The following TCEANC variants were observed in gnomAD, a reference collection of about 807,000 sequenced individuals.
TCEANC encodes transcription elongation factor A N-terminal and central domain containing.
TCEANC carries 8 observed loss-of-function variants against 8.7 expected under a neutral mutation model. The ratio of observed to expected loss-of-function variants is 0.92; its 90% CI spans 0.54 to 1.65. The LOEUF (loss-of-function observed/expected upper bound fraction) is 1.65. Ranked by LOEUF, TCEANC falls within the 40% of genes most tolerant of loss-of-function variation. The pLI is 0.00. For missense variants in TCEANC, 255 were observed against 251.9 expected (o/e 1.01, Z -0.08); for synonymous variants, 78 against 92.9 (o/e 0.84, Z 0.92).
chrX:13,662,877 G>A, exon 2 of TCEANC: 1 of 1,211,747 alleles, frequency 8.3e-7, no homozygotes, highest in Admixed American at 2.2e-5. Flanking sequence ...CGAATTCTCT[G>A]TCTTCCCAAG....
At position 13,663,588 on chromosome X, in the gene TCEANC, A is replaced by C. The variant is rs768223453; in HGVS notation, c.*24A>C. 43 of 1,066,148 alleles carry C rather than the reference A, an allele frequency of 4.0e-5. No individual in the cohort carries two copies. The African/African-American group carries it at 7.6e-4, about 19-fold the overall frequency. 87.9% of individuals were successfully genotyped at this position (1,066,148 alleles called of 1,213,427 possible). The stretch of plus-strand genomic sequence containing the variant: ...AACTGTAAATCAGTGTTCTCTTAAC[A>C]GATAACCGGAGTGATACCTTTTATT... On this transcript the variant is annotated 3_prime_UTR_variant, in exon 2 of 2. Coordinates refer to ENST00000380600, the Ensembl canonical transcript of TCEANC.
chrX:13,653,326 C>T (rs1374719089), upstream of TCEANC: 2 of 111,903 alleles, frequency 1.8e-5, no homozygotes, highest in African/African-American at 6.6e-5. Context: ...CTCGCACCCC[C>T]GCCCCTTCCT....
chrX:13,664,194 C>T lies in TCEANC; in HGVS notation c.*630C>T, dbSNP rs767666912. ...CAAGAATGTTATTCCAGGCACTTCA[C>T]GAATGAGGAAACAGGTCCACAGAGG... On this transcript the variant is annotated 3_prime_UTR_variant, in exon 2 of 2. Coordinates refer to ENST00000380600, the Ensembl canonical transcript of TCEANC. 149 of 123,409 alleles carry T rather than the reference C, an allele frequency of 1.2e-3. No individual in the cohort carries two copies. In the Middle Eastern group the frequency reaches 0.014, roughly 11 times the overall value. The allele number at this position is 123,409 out of a possible 1,213,427, so 10.2% of individuals were successfully genotyped here.
Position 13,662,688 on chromosome X carries a change from CT to C in TCEANC, c.181del (p.Ser61LeufsTer4). 8.3e-7 allele frequency: 1 copy of C among 1,211,772 alleles called. No homozygotes were observed. The highest frequency in any genetic ancestry group is 1.1e-6 in the Non-Finnish European group (1 of 895,476). ...TGTACAGAGTCCTCAAAAACTGCCC[CT>C]CTGTGGCTTTGAAAAAGAAAGCCAA... On this transcript the variant is annotated frameshift_variant, in exon 2 of 2. Transcript: ENST00000380600. LOFTEE classifies it low-confidence loss of function (END_TRUNC).
intron 1 of TCEANC, among the ~76,000 whole-genome samples, chrX:13,657,807 CAA>C (rs34205512): frequency 5.1e-4 from 35 of 68,836 alleles, no homozygotes; most frequent in African/African-American, 1.6e-3. Context: ...GACTCCATCT[CAA>C]AAAAAAAAAA....
At chrX:13,662,660 C>T in exon 2 of TCEANC, 1 of 1,211,703 alleles carries the variant, frequency 8.3e-7, no homozygotes. Context: ...GTGGTCAGAG[C>T]TGTGTACAGA....
chrX:13,664,129 A>G (rs149387329), exon 2 of TCEANC: 2,789 of 123,386 alleles, frequency 0.023, 92 homozygotes, highest in East Asian at 0.13. Context: ...AGAACTACTC[A>G]GAAATAGGCT....
At chrX:13,656,354 G>A (rs767455708) in intron 1 of TCEANC, among the ~76,000 whole-genome samples, 38 of 112,191 alleles carry the variant, frequency 3.4e-4, no homozygotes, top group Non-Finnish European at 2.4e-4. Flanking sequence ...GAACTAAGCT[G>A]GACATATGCC....
At chrX:13,663,009 G>C (rs1033582565) in exon 2 of TCEANC, 13 of 1,209,266 alleles carry the variant, frequency 1.1e-5, no homozygotes, top group Non-Finnish European at 1.5e-5. Context: ...GTGAGTTGCT[G>C]GATCCCACAA....
rs140615402 is a variant in TCEANC, at chrX:13,656,411, G to A, written c.-9+1038G>A. ...ATTGTCAGAATTTTGTATTTCAATG[G>A]CTTCCACATTATACCCTCCTAGGGC... On this transcript the variant is annotated intron_variant, in intron 1 of 1. Coordinates refer to ENST00000380600, the Ensembl canonical transcript of TCEANC. Among the ~76,000 whole-genome samples the A allele has an allele frequency of 3.2e-3, 365 of 112,378 alleles. 1 individual carries two copies. Among genetic ancestry groups the A allele is most frequent in the African/African-American group, 0.011 (345 of 30,971 alleles).
At chrX:13,663,022 C>A in exon 2 of TCEANC, 1 of 1,211,088 alleles carries the variant, frequency 8.3e-7, no homozygotes. Context: ...TCCCACAACA[C>A]CCATGAGAAC....
intron 1 of TCEANC, among the ~76,000 whole-genome samples, chrX:13,657,549 T>C (rs376128854): frequency 2.1e-3 from 233 of 112,606 alleles, no homozygotes; most frequent in African/African-American, 7.1e-3. Context: ...GGCACATGCC[T>C]GTAATCCCAG....
rs751075518 is a variant in TCEANC, at chrX:13,662,929, G to A, written c.421G>A (p.Ala141Thr). The A allele has an allele frequency of 2.0e-5, 24 of 1,209,791 alleles. No individual in the cohort carries two copies. The Admixed American group carries it at 5.0e-4, about 25-fold the overall frequency. The stretch of plus-strand genomic sequence containing the variant: ...TGAAATGATTGTGCCTGAAAATAGA[G>A]CCATTCAATTGAAACCTAAGGAAGA... Residue 141 changes from alanine (A) to threonine (T), a missense_variant, in exon 2 of 2, where the codon GCC becomes ACC. Ala to Thr is a moderately conservative substitution (Grantham distance 58). Coordinates refer to ENST00000380600, the Ensembl canonical transcript of TCEANC.
At chrX:13,660,876 G>A (rs1384326853) in intron 1 of TCEANC, among the ~76,000 whole-genome samples, 155 bp from the exon 4 acceptor site, 1 of 111,449 alleles carries the variant, frequency 9.0e-6, no homozygotes, top group African/African-American at 3.3e-5. Flanking sequence ...ACAGAGTCTT[G>A]CTGTGTTGCC....
intron 1 of TCEANC, among the ~76,000 whole-genome samples, chrX:13,655,586 G>T (rs952092711): frequency 8.9e-6 from 1 of 112,140 alleles, no homozygotes; most frequent in East Asian, 2.8e-4. Context: ...CTTTGGGGCT[G>T]ATGGCAGCCT....
At position 13,662,556 on chromosome X, in the gene TCEANC, A is replaced by G; in HGVS notation, c.48A>G (p.Gln16=). ...CTGCCAGAGCTTCTCTTATTGAGCA[A>G]CTGATGTCCAAAAGGAATTTTGAGG... Residue 16 remains glutamine (Q), a synonymous_variant, in exon 2 of 2, where the codon CAA becomes CAG. Coordinates refer to ENST00000380600, the Ensembl canonical transcript of TCEANC. 1 of 1,211,821 alleles carries G rather than the reference A, an allele frequency of 8.3e-7. No homozygotes were observed. Among genetic ancestry groups the G allele is most frequent in the Non-Finnish European group, 1.1e-6 (1 of 895,477 alleles).
chrX:13,663,033 TA>T lies in TCEANC; in HGVS notation c.528del (p.Lys176AsnfsTer3). ...TGGATCCCACAACACCCATGAGAAC[TA>T]AATGCATAGAGCTTCTTTACGCAGC... On this transcript the variant is annotated frameshift_variant, in exon 2 of 2. Coordinates refer to ENST00000380600, the Ensembl canonical transcript of TCEANC. LOFTEE classifies it low-confidence loss of function (END_TRUNC). The T allele has an allele frequency of 8.3e-7, 1 of 1,211,327 alleles. No individual in the cohort carries two copies. Among genetic ancestry groups the T allele is most frequent in the Non-Finnish European group, 1.1e-6 (1 of 894,968 alleles).
Position 13,662,491 on chromosome X carries a change from T to G in TCEANC, c.-8-10T>G, listed in dbSNP as rs749804274. ...ACTTAAGAAAACTGAAACCTCTTTT[T>G]TCTTTGCAGCTGTAAAGATGTCTGA... On this transcript the variant is annotated splice_polypyrimidine_tract_variant and intron_variant, in intron 1 of 1. Coordinates refer to ENST00000380600, the Ensembl canonical transcript of TCEANC. 2.5e-6 allele frequency: 3 copies of G among 1,177,313 alleles called. No individual in the cohort carries two copies. The highest frequency in any genetic ancestry group is 1.9e-5 in the South Asian group (1 of 51,716).
upstream of TCEANC, among the ~76,000 whole-genome samples, chrX:13,654,108 G>T (rs1335348379): frequency 2.7e-5 from 3 of 112,698 alleles, no homozygotes; most frequent in Admixed American, 2.8e-4. Flanking sequence ...GCATGAAAAA[G>T]AATGTAAAAT....
Sources: allele counts gnomAD v4.1 joint callset (sites outside exome capture counted in the v4.1 genomes callset), GRCh38; gene constraint gnomAD v4.1.1; transcripts MANE v1.5; gene names NCBI Gene and HGNC (gene_info 2026-07-23, HGNC 2026-07-21).